The following EPHA10 variants were observed in gnomAD, a reference collection of about 807,000 sequenced individuals.
The protein encoded by EPHA10 is ephrin type-A receptor 10.
Under a neutral mutation model 109.7 loss-of-function variants are expected in EPHA10, and 120 were observed. The ratio of observed to expected loss-of-function variants is 1.09; its 90% CI spans 0.94 to 1.27. EPHA10 has a LOEUF of 1.27. Ranked by LOEUF, EPHA10 falls within the 50% of genes most tolerant of loss-of-function variation. The pLI is 0.00. For synonymous variants in EPHA10, 640 were observed against 618.9 expected, an observed-to-expected ratio of 1.03 and a Z score of -0.51; for missense variants, 1,396 against 1,411.1, an observed-to-expected ratio of 0.99 and a Z score of 0.17.
At chr1:37,748,745 T>C (rs1003190809) in intron 5 of EPHA10, among the ~76,000 whole-genome samples, 4 of 152,034 alleles carry the variant, frequency 2.6e-5, no homozygotes, top group Admixed American at 2.6e-4. Context: ...AGGAAAAAAT[T>C]TGGTCATATT....
At chr1:37,739,845 C>A (rs930040431) in intron 5 of EPHA10, among the ~76,000 whole-genome samples, 1 of 151,778 alleles carries the variant, frequency 6.6e-6, no homozygotes, top group Non-Finnish European at 1.5e-5. Flanking sequence ...GTAATCTCAG[C>A]ACTTTGGGAG....
At position 37,718,051 on chromosome 1, in the gene EPHA10, T is replaced by G. The variant is rs952180858; in HGVS notation, c.*321A>C. ...CAGTAGGGCATGAGCCAGGGCAATC[T>G]CAACCCACTGTCTTCCCTCCCATCC... On this transcript the variant is annotated 3_prime_UTR_variant, in exon 17 of 17. Coordinates refer to ENST00000373048, the MANE Select transcript of EPHA10 (RefSeq NM_001099439.2). 6 of 390,122 alleles carry G rather than the reference T, an allele frequency of 1.5e-5. No individual in the cohort carries two copies. The highest frequency in any genetic ancestry group is 1.0e-4 in the African/African-American group (5 of 48,902). The allele number at this position is 390,122 out of a possible 1,614,324, so 24.2% of individuals were successfully genotyped here.
chr1:37,729,213 A>G (rs1351817003), intron 7 of EPHA10, among the ~76,000 whole-genome samples: 2 of 152,170 alleles, frequency 1.3e-5, no homozygotes, highest in Non-Finnish European at 2.9e-5. Flanking sequence ...TCCCCCAGCT[A>G]AGCCCCGAGA....
chr1:37,739,000 G>A (rs1020529592), intron 5 of EPHA10, among the ~76,000 whole-genome samples: 10 of 152,232 alleles, frequency 6.6e-5, no homozygotes, highest in Admixed American at 3.3e-4. Context: ...GGGGCCTGTC[G>A]CGGGGTGGAG....
In EPHA10 at chr1:37,723,076, G is replaced by A. The variant is rs55698593; in HGVS notation, c.1925C>T (p.Ala642Val). 1.1e-3 allele frequency: 1,750 copies of A among 1,614,184 alleles called. 39 individuals are homozygous for A. In the East Asian group the frequency reaches 0.034, roughly 32 times the overall value. Residue 642 changes from alanine to valine, a missense_variant, in exon 10 of 17, where the codon GCG (alanine) becomes GTG (valine). Physicochemically the swap from Ala to Val is moderately conservative, Grantham distance 64 (BLOSUM62 0). Coordinates refer to ENST00000373048, the MANE Select transcript of EPHA10 (RefSeq NM_001099439.2). The part of the protein sequence containing the change: ...AVHLFAKELD[A>V]KSVTLERSLG... ...GCTCCTCTCCAGCGTGACGCTTTTC[G>A]CATCCAGTTCCTTGGCGAACAGATG...
Position 37,727,139 on chromosome 1 carries a change from G to C in EPHA10, c.1735C>G (p.Leu579Val), listed in dbSNP as rs1304346716. ...TVVTISALLV[L>V]GSVMSVLAIW... is the part of the protein sequence containing the mutation. ...GCCAGCACACTCATCACGGAGCCCA[G>C]GACGAGGAGGGCCGAGATGGTCACT... is the stretch of plus-strand genomic sequence containing the variant. The change falls in exon 8 of 17, where the codon CTG becomes GTG. Residue 579 changes from leucine (L) to valine (V), a missense_variant. Transcript: ENST00000373048. 9 of 1,612,776 alleles carry C rather than the reference G, an allele frequency of 5.6e-6. No homozygotes were observed. Among genetic ancestry groups the C allele is most frequent in the Non-Finnish European group, 7.6e-6 (9 of 1,179,430 alleles).
rs1645802188 is a variant in EPHA10, at chr1:37,721,797, TG to T, written c.2008del (p.Gln670ArgfsTer5). 3.1e-6 allele frequency: 5 copies of T among 1,610,122 alleles called. No individual in the cohort carries two copies. Among genetic ancestry groups the T allele is most frequent in the Non-Finnish European group, 3.4e-6 (4 of 1,178,470 alleles). Reference protein sequence around the residue: ...CCGCLQLPGRQELLVAVHMLR... With the variant: ...CCGCLQLPGRXELLVAVHMLR... ...CATATGCACGGCTACGAGCAGCTCC[TG>T]GCGACCGGGGAGCTGCAAGCAGCCA... is the stretch of plus-strand genomic sequence containing the variant. On this transcript the variant is annotated frameshift_variant, in exon 11 of 17. Coordinates refer to ENST00000373048, the MANE Select transcript of EPHA10 (RefSeq NM_001099439.2). LOFTEE classifies it high-confidence loss of function.
In EPHA10 at chr1:37,753,042, G is replaced by A; in HGVS notation, c.1191C>T (p.Ala397=). The A allele has an allele frequency of 8.1e-7, 1 of 1,237,814 alleles. No homozygotes were observed. Among genetic ancestry groups the A allele is most frequent in the Non-Finnish European group, 1.0e-6 (1 of 993,170 alleles). The allele number at this position is 1,237,814 out of a possible 1,614,324, so 76.7% of individuals were successfully genotyped here. The change falls in exon 5 of 17, where the codon GCC becomes GCT. Residue 397 remains alanine (A), a synonymous_variant. Transcript: ENST00000373048. ...GACEPCGPRV[A]FLPRQAGLRE... is the part of the protein sequence containing the mutation. ...GCAGCCCTGCCTGGCGCGGTAGGAA[G>A]GCCACGCGCGGCCCGCACGGCTCGC...
Position 37,718,721 on chromosome 1 carries a change from T to C in EPHA10, c.2852A>G (p.Lys951Arg). The change falls in exon 16 of 17, where the codon AAG becomes AGG. Residue 951 changes from lysine (K) to arginine (R), a missense_variant. Lys to Arg is a conservative substitution (Grantham distance 26). Transcript: ENST00000373048. ...ATAGCCAGCAGCCGCGAAGCTGTCC[T>C]TGTAGCGGCACAGGTCCAGGGCCTC... The part of the protein sequence containing the change: ...WLEALDLCRY[K>R]DSFAAAGYGS... The C allele has an allele frequency of 6.2e-7, 1 of 1,613,230 alleles. No homozygotes were observed. The highest frequency in any genetic ancestry group is 8.5e-7 in the Non-Finnish European group (1 of 1,180,008).
intron 6 of EPHA10, 132 bp from the exon 7 acceptor site, chr1:37,731,714 T>C: frequency 2.1e-6 from 2 of 937,632 alleles, no homozygotes; most frequent in Non-Finnish European, 3.0e-6. Flanking sequence ...AAACCCAACC[T>C]CAATCATCTT....
Position 37,718,332 on chromosome 1 carries a change from G to T in EPHA10, c.*40C>A. On this transcript the variant is annotated 3_prime_UTR_variant, in exon 17 of 17. Coordinates refer to ENST00000373048, the MANE Select transcript of EPHA10 (RefSeq NM_001099439.2). Reference sequence around the variant, plus strand: ...GTCCTTGGGCAGGGCTGGGGGACTGGACCCCCACCGGAGTCCTGCCTTGGA... The same window carrying T: ...GTCCTTGGGCAGGGCTGGGGGACTGTACCCCCACCGGAGTCCTGCCTTGGA... 6.6e-7 allele frequency: 1 copy of T among 1,524,844 alleles called. No homozygotes were observed. Among genetic ancestry groups the T allele is most frequent in the African/African-American group, 1.4e-5 (1 of 73,074 alleles). 94.5% of individuals were successfully genotyped at this position (1,524,844 alleles called of 1,614,324 possible).
intron 4 of EPHA10, among the ~76,000 whole-genome samples, chr1:37,753,439 G>A (rs1646360546): frequency 6.6e-6 from 1 of 151,954 alleles, no homozygotes; most frequent in South Asian, 2.1e-4. Flanking sequence ...GTGGCATGGG[G>A]TCAGTCAGGG....
chr1:37,725,506 C>CAAAAAAA (rs536628850), intron 8 of EPHA10, among the ~76,000 whole-genome samples: 6 of 56,414 alleles, frequency 1.1e-4, no homozygotes, highest in South Asian at 9.4e-4. Context: ...GGCTCCATCT[C>CAAAAAAA]AAAAAAAAAA....
chr1:37,724,841 G>T (rs981305496), intron 8 of EPHA10, among the ~76,000 whole-genome samples: 1 of 152,160 alleles, frequency 6.6e-6, no homozygotes, highest in Non-Finnish European at 1.5e-5. Context: ...GGACTGGGTG[G>T]CTCCATTTTC....
At chr1:37,719,325 G>A in intron 15 of EPHA10, 89 bp downstream of exon 15, 2 of 1,429,488 alleles carry the variant, frequency 1.4e-6, no homozygotes, top group Non-Finnish European at 1.9e-6. Flanking sequence ...GACAGGTGGG[G>A]TGGTGGAGGC....
At chr1:37,745,840 A>G (rs1646232282) in intron 5 of EPHA10, among the ~76,000 whole-genome samples, 1 of 152,122 alleles carries the variant, frequency 6.6e-6, no homozygotes, top group Non-Finnish European at 1.5e-5. Flanking sequence ...ACAGAGGAAG[A>G]CTGTCTCAAA....
chr1:37,724,127 G>A (rs1374513373), intron 8 of EPHA10, among the ~76,000 whole-genome samples: 3 of 152,234 alleles, frequency 2.0e-5, no homozygotes, highest in Non-Finnish European at 2.9e-5. Flanking sequence ...GGAGCTGGCA[G>A]TGGTTCTAGC....
intron 15 of EPHA10, chr1:37,719,051 A>T: frequency 1.6e-6 from 1 of 615,052 alleles, no homozygotes; most frequent in Non-Finnish European, 2.8e-6. Context: ...TATCCGGAAC[A>T]GTCTGGGGTA....
rs758914246 is a variant in EPHA10, at chr1:37,718,373, C to G, written c.3026G>C (p.Ter1009SerextTer67). Residue 1009 changes from the stop codon to serine (S), a stop_lost, in exon 17 of 17, where the codon TGA (stop) becomes TCA (serine). Transcript: ENST00000373048. ...CTGCCTTGGAAGAATGGGGTCCACT[C>G]ACACCTGCACCCCCTGGCCCTGCAG... is the stretch of plus-strand genomic sequence containing the variant. ...LQLQGQGVQV[*>S] 3 of 1,604,208 alleles carry G rather than the reference C, an allele frequency of 1.9e-6. No individual in the cohort carries two copies. The highest frequency in any genetic ancestry group is 2.6e-6 in the Non-Finnish European group (3 of 1,174,888).
Sources: gnomAD v4.1 joint callset for allele counts (sites outside exome capture counted in the v4.1 genomes callset) on GRCh38, gnomAD v4.1.1 for gene constraint, MANE v1.5 for transcripts, NCBI Gene and HGNC (gene_info 2026-07-23, HGNC 2026-07-21) for gene names.